MOXD1: variants seen among roughly 807,000 people sequenced by gnomAD.
The protein encoded by MOXD1 is DBH-like monooxygenase protein 1.
Under a neutral mutation model 66.6 loss-of-function variants are expected in MOXD1, and 62 were observed. That is an observed-to-expected ratio of 0.93 (90% CI 0.76 to 1.15). The LOEUF is 1.15. MOXD1 is among the 50% of genes most tolerant of loss of function. The pLI, the probability that MOXD1 is intolerant of heterozygous loss-of-function variation, is 0.00. For missense variants in MOXD1, 847 were observed against 754.6 expected (o/e 1.12, Z -1.44); for synonymous variants, 303 against 281.9 (o/e 1.07, Z -0.75).
chr6:132,357,959 G>A (rs1194566216), intron 4 of MOXD1, among the ~76,000 whole-genome samples: 1 of 152,156 alleles, frequency 6.6e-6, no homozygotes, highest in African/African-American at 2.4e-5. Context: ...GGTTTAGACT[G>A]TTAGAGGAAA....
chr6:132,388,474 T>C (rs1776693940), intron 1 of MOXD1, among the ~76,000 whole-genome samples: 1 of 151,358 alleles, frequency 6.6e-6, no homozygotes, highest in South Asian at 2.1e-4. Flanking sequence ...TCTAGAAGAT[T>C]TGGCAGCATT....
At chr6:132,316,651 G>A (rs1271801187) in intron 9 of MOXD1, among the ~76,000 whole-genome samples, 1 of 152,022 alleles carries the variant, frequency 6.6e-6, no homozygotes, top group Non-Finnish European at 1.5e-5. Context: ...AATGAGCAAG[G>A]AAAATATCAG....
At position 132,374,710 on chromosome 6, in the gene MOXD1, G is replaced by A. The variant is rs866819268; in HGVS notation, c.332C>T (p.Ala111Val). 2 of 1,613,504 alleles carry A rather than the reference G, an allele frequency of 1.2e-6. No homozygotes were observed. Among genetic ancestry groups the A allele is most frequent in the Non-Finnish European group, 1.7e-6 (2 of 1,179,638 alleles). The change falls in exon 2 of 12, where the codon GCC becomes GTC. Residue 111 changes from alanine (A) to valine (V), a missense_variant. Transcript: ENST00000367963. ...TATTGTGTGTGTGCTATTTTCCATGGCATATTCTAGATGGTAATCTTGCTG... is the reference window on the plus strand; with the variant it reads ...TATTGTGTGTGTGCTATTTTCCATGACATATTCTAGATGGTAATCTTGCTG... ...DAQQDYHLEY[A>V]MENSTHTIIE...
chr6:132,296,347 A>G lies in MOXD1; in HGVS notation c.*806T>C, dbSNP rs1167716742. 1 of 152,192 alleles carries G rather than the reference A, an allele frequency of 6.6e-6. No individual in the cohort carries two copies. Among genetic ancestry groups the G allele is most frequent in the South Asian group, 2.1e-4 (1 of 4,804 alleles). The allele number at this position is 152,192 out of a possible 1,614,324, so 9.4% of individuals were successfully genotyped here. On this transcript the variant is annotated 3_prime_UTR_variant, in exon 12 of 12. Transcript: ENST00000367963. Reference sequence around the variant, plus strand: ...TCACACGGCCTGTCTTTGATCTGGAACCTCATATAAGTCACCTCACAGCAC... The same window carrying G: ...TCACACGGCCTGTCTTTGATCTGGAGCCTCATATAAGTCACCTCACAGCAC...
chr6:132,319,157 T>C (rs73779067), intron 9 of MOXD1, among the ~76,000 whole-genome samples: 4,951 of 152,058 alleles, frequency 0.033, 265 homozygotes, highest in African/African-American at 0.11. Context: ...GTGTAAATTT[T>C]AGAATCAACT....
chr6:132,398,935 C>CAAAAA (rs150318811), intron 1 of MOXD1, among the ~76,000 whole-genome samples: 1 of 75,098 alleles, frequency 1.3e-5, no homozygotes, highest in Non-Finnish European at 2.8e-5. Flanking sequence ...GAGACTTTGT[C>CAAAAA]AAAAAAAAAA....
At chr6:132,329,041 T>C (rs1775254486) in intron 4 of MOXD1, among the ~76,000 whole-genome samples, 1 of 152,104 alleles carries the variant, frequency 6.6e-6, no homozygotes, top group African/African-American at 2.4e-5. Context: ...TGTATACATG[T>C]GCCATGTTGG....
At chr6:132,308,486 T>C (rs1474540186) in intron 10 of MOXD1, among the ~76,000 whole-genome samples, 1 of 152,092 alleles carries the variant, frequency 6.6e-6, no homozygotes, top group Non-Finnish European at 1.5e-5. Context: ...TTCCAAATAA[T>C]TGAAAAAGAG....
intron 4 of MOXD1, among the ~76,000 whole-genome samples, chr6:132,370,057 G>A (rs1776233505): frequency 6.6e-6 from 1 of 152,024 alleles, no homozygotes; most frequent in Non-Finnish European, 1.5e-5. Flanking sequence ...CACACAATAT[G>A]ATATAAAATC....
At chr6:132,392,672 G>A (rs146072515) in intron 1 of MOXD1, among the ~76,000 whole-genome samples, 1 of 152,322 alleles carries the variant, frequency 6.6e-6, no homozygotes, top group Non-Finnish European at 1.5e-5. Context: ...GAAAGATGGT[G>A]TAGAAACTGA....
At chr6:132,383,202 A>G (rs1348333751) in intron 1 of MOXD1, among the ~76,000 whole-genome samples, 2 of 152,208 alleles carry the variant, frequency 1.3e-5, no homozygotes, top group Non-Finnish European at 2.9e-5. Context: ...GTTTAATAAT[A>G]TTGATAGTAT....
chr6:132,398,383 G>C, intron 1 of MOXD1, among the ~76,000 whole-genome samples: 1 of 152,032 alleles, frequency 6.6e-6, no homozygotes, highest in East Asian at 1.9e-4. Context: ...AAAAACTAAA[G>C]TTTTAGTTTA....
intron 9 of MOXD1, among the ~76,000 whole-genome samples, 163 bp from the exon 10 acceptor site, chr6:132,315,940 T>A (rs1774940982): frequency 6.6e-6 from 1 of 152,168 alleles, no homozygotes; most frequent in African/African-American, 2.4e-5. Flanking sequence ...AGTGACACAA[T>A]TAAAAATTAA....
intron 10 of MOXD1, among the ~76,000 whole-genome samples, chr6:132,307,180 C>G (rs746489366): frequency 1.3e-5 from 2 of 151,678 alleles, no homozygotes; most frequent in Non-Finnish European, 2.9e-5. Flanking sequence ...GAAAATTTAC[C>G]AAGCAAATTG....
At position 132,340,638 on chromosome 6, in the gene MOXD1, A is replaced by ATCTTTTTTTTTTTTTTTTTTT. The variant is rs1562287208; in HGVS notation, c.664-12045_664-12044insAAAAAAAAAAAAAAAAAAAGA. Among the ~76,000 whole-genome samples the ATCTTTTTTTTTTTTTTTTTTT allele has an allele frequency of 2.0e-5, 2 of 98,808 alleles. 1 individual carries two copies. Among genetic ancestry groups the ATCTTTTTTTTTTTTTTTTTTT allele is most frequent in the African/African-American group, 8.9e-5 (2 of 22,542 alleles). 64.8% of individuals were successfully genotyped at this position (98,808 alleles called of 152,430 possible). ...ACAACATGCTAAAACAACAAGACTC[A>ATCTTTTTTTTTTTTTTTTTTT]TTTTTTTTTTTTTTTTTTTTTTTTT... On this transcript the variant is annotated intron_variant, in intron 4 of 11. Coordinates refer to ENST00000367963, the MANE Select transcript of MOXD1 (RefSeq NM_015529.4).
chr6:132,392,099 T>A (rs1776777810), intron 1 of MOXD1: 3 of 1,354,518 alleles, frequency 2.2e-6, no homozygotes, highest in Non-Finnish European at 3.0e-6. Context: ...CCTTTCAATT[T>A]GCTTTCCAAA....
At chr6:132,368,634 T>C (rs1488217653) in intron 4 of MOXD1, among the ~76,000 whole-genome samples, 1 of 152,096 alleles carries the variant, frequency 6.6e-6, no homozygotes, top group African/African-American at 2.4e-5. Context: ...ATTTACCTTA[T>C]TTTATAATTT....
At chr6:132,299,255 C>G (rs1774476410) in intron 10 of MOXD1, among the ~76,000 whole-genome samples, 1 of 151,874 alleles carries the variant, frequency 6.6e-6, no homozygotes, top group Non-Finnish European at 1.5e-5. Flanking sequence ...ATGGGAAAAA[C>G]AGACACTGGG....
chr6:132,388,676 G>A (rs1441928400), intron 1 of MOXD1, among the ~76,000 whole-genome samples: 2 of 151,340 alleles, frequency 1.3e-5, no homozygotes, highest in South Asian at 2.1e-4. Flanking sequence ...CTGGAAAGAC[G>A]CTGGAGAATT....
Sources: allele counts gnomAD v4.1 joint callset (sites outside exome capture counted in the v4.1 genomes callset), GRCh38; gene constraint gnomAD v4.1.1; transcripts MANE v1.5; gene names NCBI Gene and HGNC (gene_info 2026-07-23, HGNC 2026-07-21).